OR3A2: variants seen among roughly 807,000 people sequenced by gnomAD.
OR3A2 encodes olfactory receptor family 3 subfamily A member 2.
For synonymous variants in OR3A2, 126 were observed against 159.3 expected (o/e 0.79, Z 1.57); for missense variants, 318 against 392.8 (o/e 0.81, Z 1.61).
At chr17:3,337,845 G>A (rs934621371) in intron 2 of OR3A2, among the ~76,000 whole-genome samples, 2 of 152,108 alleles carry the variant, frequency 1.3e-5, no homozygotes, top group African/African-American at 2.4e-5. Flanking sequence ...TTGAGGAATC[G>A]CCATACTGTC....
intron 3 of OR3A2, among the ~76,000 whole-genome samples, chr17:3,303,551 C>T (rs565771716): frequency 3.0e-4 from 45 of 151,814 alleles, no homozygotes; most frequent in African/African-American, 9.9e-4. Flanking sequence ...ATCATCCTGG[C>T]CAACATGGTG....
intron 2 of OR3A2, among the ~76,000 whole-genome samples, chr17:3,375,989 T>C (rs2049679855): frequency 1.3e-5 from 2 of 152,214 alleles, no homozygotes; most frequent in Non-Finnish European, 2.9e-5. Context: ...AAGTACCTGC[T>C]CTGGTGGAGG....
At chr17:3,332,393 G>C (rs1443276611) in intron 3 of OR3A2, among the ~76,000 whole-genome samples, 1 of 152,236 alleles carries the variant, frequency 6.6e-6, no homozygotes, top group Non-Finnish European at 1.5e-5. Context: ...TCCGAGCCAG[G>C]TGCAGGATAT....
At chr17:3,334,853 A>G (rs404501) in intron 3 of OR3A2, among the ~76,000 whole-genome samples, 61,520 of 152,044 alleles carry the variant, frequency 0.4, 12,787 homozygotes, top group Admixed American at 0.52. Flanking sequence ...CTAAATATGT[A>G]GTAAGTTTTT....
At chr17:3,300,344 A>AG (rs2048953012) in intron 3 of OR3A2, among the ~76,000 whole-genome samples, 1 of 152,150 alleles carries the variant, frequency 6.6e-6, no homozygotes, top group Non-Finnish European at 1.5e-5. Context: ...GGATCACCTG[A>AG]GGTCAGGAGT....
intron 3 of OR3A2, among the ~76,000 whole-genome samples, chr17:3,318,865 C>A (rs1487213740): frequency 3.9e-5 from 6 of 152,182 alleles, no homozygotes; most frequent in Non-Finnish European, 8.8e-5. Context: ...ACTTTCCTAA[C>A]CCTAACCAAC....
At chr17:3,360,093 A>C (rs1483940190) in intron 2 of OR3A2, among the ~76,000 whole-genome samples, 3 of 151,694 alleles carry the variant, frequency 2.0e-5, no homozygotes, top group Non-Finnish European at 4.4e-5. Context: ...TTGTTTCCTG[A>C]CTTTTTAATG....
intron 3 of OR3A2, among the ~76,000 whole-genome samples, chr17:3,320,171 GTCT>G (rs1310260935): frequency 1.3e-5 from 2 of 151,506 alleles, no homozygotes; most frequent in African/African-American, 4.8e-5. Context: ...CTGCATAAAT[GTCT>G]TCTTTTGAGA....
intron 2 of OR3A2, among the ~76,000 whole-genome samples, chr17:3,352,323 T>C (rs1424037916): frequency 6.6e-6 from 1 of 151,952 alleles, no homozygotes; most frequent in Non-Finnish European, 1.5e-5. Flanking sequence ...TAAAACATTT[T>C]TGCACAGACC....
intron 2 of OR3A2, among the ~76,000 whole-genome samples, chr17:3,359,061 T>G (rs9896196): frequency 0.14 from 21,303 of 151,718 alleles, 2,209 homozygotes; most frequent in African/African-American, 0.25. Flanking sequence ...TTGATATTTG[T>G]TGGTTTTAAA....
intron 2 of OR3A2, among the ~76,000 whole-genome samples, chr17:3,382,285 A>ATTCCCT (rs2049743336): frequency 6.6e-6 from 1 of 152,220 alleles, no homozygotes; most frequent in Admixed American, 6.5e-5. Context: ...TGCATCCAGT[A>ATTCCCT]GGCAAGAGGG....
At chr17:3,378,189 C>G (rs1381110463) in intron 2 of OR3A2, among the ~76,000 whole-genome samples, 1 of 152,208 alleles carries the variant, frequency 6.6e-6, no homozygotes, top group Non-Finnish European at 1.5e-5. Context: ...TCTGTGGTAC[C>G]CAGGCTGTCC....
intron 2 of OR3A2, among the ~76,000 whole-genome samples, chr17:3,368,905 T>C (rs550075149): frequency 6.6e-6 from 1 of 152,334 alleles, no homozygotes; most frequent in South Asian, 2.1e-4. Context: ...GTCCTCTATA[T>C]TTCTTTCAGC....
chr17:3,330,500 T>C (rs1287587606), intron 3 of OR3A2, among the ~76,000 whole-genome samples: 2 of 152,128 alleles, frequency 1.3e-5, no homozygotes, highest in Non-Finnish European at 2.9e-5. Flanking sequence ...TTTGTTGGTT[T>C]AAAGTCTGAT....
intron 3 of OR3A2, among the ~76,000 whole-genome samples, chr17:3,328,149 G>T (rs893413491): frequency 2.1e-5 from 3 of 142,648 alleles, no homozygotes; most frequent in Non-Finnish European, 3.0e-5. Flanking sequence ...ACCTTGCGCA[G>T]TATGGCCATT....
intron 3 of OR3A2, among the ~76,000 whole-genome samples, chr17:3,333,197 A>C (rs531508168): frequency 6.6e-6 from 1 of 152,332 alleles, no homozygotes; most frequent in African/African-American, 2.4e-5. Context: ...TGTCTTATGC[A>C]GTTGAGATAA....
rs927788626 is a variant in OR3A2 at position 3,292,363 on chromosome 17, C to T, written c.-84-13210G>A. On this transcript the variant is annotated intron_variant, in intron 3 of 4. Transcript: ENST00000573491. Reference sequence around the variant, plus strand: ...GGAACAGTGACGCTGATGCACCCAACATCCAGCACTGATAGGTTCCCCAGG... The same window carrying T: ...GGAACAGTGACGCTGATGCACCCAATATCCAGCACTGATAGGTTCCCCAGG... 5 of 1,614,152 alleles carry T rather than the reference C, an allele frequency of 3.1e-6. No homozygotes were observed. In the African/African-American group the frequency reaches 4.0e-5, roughly 13 times the overall value.
In OR3A2 at chr17:3,323,853, G is replaced by A. The variant is rs1370713961; in HGVS notation, c.-85+12180C>T. Among the ~76,000 whole-genome samples the A allele has an allele frequency of 5.9e-5, 9 of 151,996 alleles. No individual in the cohort carries two copies. The East Asian group carries it at 7.7e-4, about 13-fold the overall frequency. Reference sequence around the variant, plus strand: ...TATGTGTTTTGGAGTTGCTCTTCTCGAGGAGTATCTTTGTGGTGTTCTCTG... The same window carrying A: ...TATGTGTTTTGGAGTTGCTCTTCTCAAGGAGTATCTTTGTGGTGTTCTCTG... On this transcript the variant is annotated intron_variant, in intron 3 of 4. Transcript: ENST00000573491.
At chr17:3,283,218 A>G (rs2048788008) in intron 1 of OR3A2, among the ~76,000 whole-genome samples, 1 of 152,084 alleles carries the variant, frequency 6.6e-6, no homozygotes, top group Non-Finnish European at 1.5e-5. Context: ...TAGGTACCCA[A>G]TATTTCATAT....
Sources: gnomAD v4.1 joint callset for allele counts (sites outside exome capture counted in the v4.1 genomes callset) on GRCh38, gnomAD v4.1.1 for gene constraint, MANE v1.5 for transcripts, NCBI Gene and HGNC (gene_info 2026-07-23, HGNC 2026-07-21) for gene names.